The following DNAAF9 variants were observed in gnomAD, a reference collection of about 807,000 sequenced individuals.
DNAAF9 encodes dynein axonemal assembly factor 9, also known as shulin.
DNAAF9 carries 90 observed loss-of-function variants against 167.0 expected under a neutral mutation model. The ratio of observed to expected loss-of-function variants is 0.54; its 90% confidence interval spans 0.45 to 0.64. The LOEUF is 0.64. Ranked by LOEUF, DNAAF9 falls within the 30% of genes least tolerant of loss-of-function variation. The probability of loss-of-function intolerance (pLI) is 0.00; values close to 1 mark genes in which losing one functional copy is unlikely to be tolerated. For missense variants in DNAAF9, 1,315 were observed against 1,442.2 expected, an observed-to-expected ratio of 0.91 and a Z score of 1.43; for synonymous variants, 491 against 508.8, an observed-to-expected ratio of 0.96 and a Z score of 0.47.
At chr20:3,366,362 TGAAAG>T in intron 6 of DNAAF9, among the ~76,000 whole-genome samples, 1 of 152,238 alleles carries the variant, frequency 6.6e-6, no homozygotes, top group Non-Finnish European at 1.5e-5. Context: ...CAGTAATACT[TGAAAG>T]GAATTTTTTT....
At chr20:3,381,045 C>T (rs576602193) in intron 3 of DNAAF9, among the ~76,000 whole-genome samples, 1 of 152,302 alleles carries the variant, frequency 6.6e-6, no homozygotes, top group East Asian at 1.9e-4. Context: ...GGTGCTTTCA[C>T]AGGACAACAC....
chr20:3,402,926 T>C (rs1230049398), intron 1 of DNAAF9, among the ~76,000 whole-genome samples: 1 of 152,224 alleles, frequency 6.6e-6, no homozygotes, highest in Non-Finnish European at 1.5e-5. Context: ...TGCTAGATTC[T>C]TCGCAAGTCT....
intron 1 of DNAAF9, among the ~76,000 whole-genome samples, chr20:3,390,720 G>T (rs1223190450): frequency 1.3e-5 from 2 of 152,100 alleles, no homozygotes; most frequent in African/African-American, 4.8e-5. Context: ...GGGGGTGAGA[G>T]GAAAGAAAGT....
At chr20:3,359,364 GAA>G in intron 7 of DNAAF9, 150 bp downstream of exon 7, 1 of 625,940 alleles carries the variant, frequency 1.6e-6, no homozygotes, top group South Asian at 2.1e-5. Flanking sequence ...TACCCCCAAG[GAA>G]TTCAAGACAA....
chr20:3,292,483 T>C (rs1485704135), intron 25 of DNAAF9, among the ~76,000 whole-genome samples: 2 of 151,668 alleles, frequency 1.3e-5, no homozygotes, highest in African/African-American at 4.8e-5. Flanking sequence ...CTTATGGTTC[T>C]GGGCTGGGCG....
At chr20:3,259,739 C>G (rs1334137983) in intron 32 of DNAAF9, among the ~76,000 whole-genome samples, 183 bp downstream of exon 32, 3 of 152,206 alleles carry the variant, frequency 2.0e-5, no homozygotes, top group Non-Finnish European at 2.9e-5. Flanking sequence ...GAGGGAAAAC[C>G]CTTTCACTGG....
intron 3 of DNAAF9, among the ~76,000 whole-genome samples, chr20:3,380,809 T>C (rs940632439): frequency 1.3e-5 from 2 of 152,168 alleles, no homozygotes; most frequent in Admixed American, 1.3e-4. Context: ...TCCTGGGCAA[T>C]AGCCCCCAGC....
chr20:3,318,234 CAAAAAAA>C, intron 17 of DNAAF9, 48 bp downstream of exon 17: 2 of 620,392 alleles, frequency 3.2e-6, no homozygotes, highest in South Asian at 1.8e-5. Flanking sequence ...TTTATTTTGC[CAAAAAAA>C]AAAAAAAAAG....
chr20:3,337,377 C>A (rs1051325745), intron 10 of DNAAF9, among the ~76,000 whole-genome samples: 24 of 151,484 alleles, frequency 1.6e-4, no homozygotes, highest in Non-Finnish European at 1.6e-4. Flanking sequence ...ACTTCTCCTG[C>A]CTCAGCCTCC....
At chr20:3,314,693 A>G (rs2069473238) in intron 20 of DNAAF9, among the ~76,000 whole-genome samples, 2 of 152,160 alleles carry the variant, frequency 1.3e-5, no homozygotes, top group Non-Finnish European at 2.9e-5. Flanking sequence ...TTAAGCTACT[A>G]AATTTGTGGT....
At chr20:3,307,344 G>C (rs1235838121) in intron 20 of DNAAF9, among the ~76,000 whole-genome samples, 2 of 152,122 alleles carry the variant, frequency 1.3e-5, no homozygotes, top group Non-Finnish European at 2.9e-5. Context: ...CCTTAGCCTG[G>C]CTCTATGAGC....
intron 33 of DNAAF9, among the ~76,000 whole-genome samples, chr20:3,257,654 C>T (rs2068304745): frequency 6.6e-6 from 1 of 152,140 alleles, no homozygotes; most frequent in Admixed American, 6.5e-5. Context: ...AGTGATTCTC[C>T]TACCTCAGCC....
At chr20:3,360,750 A>G (rs747387984) in intron 6 of DNAAF9, among the ~76,000 whole-genome samples, 2 of 152,194 alleles carry the variant, frequency 1.3e-5, no homozygotes, top group African/African-American at 2.4e-5. Context: ...CTAGACCCCA[A>G]TGGATTGCAA....
intron 14 of DNAAF9, among the ~76,000 whole-genome samples, chr20:3,323,897 T>C (rs2069664582): frequency 6.6e-6 from 1 of 152,236 alleles, no homozygotes; most frequent in African/African-American, 2.4e-5. Flanking sequence ...AAGGAGCAGA[T>C]ACAGACAGTT....
rs200251573 is a variant in DNAAF9 at position 3,390,268 on chromosome 20, CAG to C, written c.84-7764_84-7763del. Reference sequence around the variant, plus strand: ...CAAAAAGGTTTGACATAAAAGAAGACAGATTGAGAAGAAGAAAAAAGATAAAC... The same window carrying C: ...CAAAAAGGTTTGACATAAAAGAAGACATTGAGAAGAAGAAAAAAGATAAAC... On this transcript the variant is annotated intron_variant, in intron 1 of 36. Transcript: ENST00000252032. Among the ~76,000 whole-genome samples the C allele has an allele frequency of 9.1e-3, 1,373 of 151,268 alleles. 19 individuals are homozygous for C. The highest frequency in any genetic ancestry group is 0.032 in the African/African-American group (1,318 of 41,200).
chr20:3,282,335 C>A (rs1038772791), intron 27 of DNAAF9, among the ~76,000 whole-genome samples: 2 of 152,020 alleles, frequency 1.3e-5, no homozygotes, highest in Non-Finnish European at 2.9e-5. Flanking sequence ...TTTTTTTGGT[C>A]TCCTTTGACT....
At chr20:3,287,899 G>A in intron 26 of DNAAF9, 109 bp from the exon 27 acceptor site, 1 of 975,142 alleles carries the variant, frequency 1.0e-6, no homozygotes, top group East Asian at 2.4e-5. Context: ...ATTCTGCCCA[G>A]TGAATCCATT....
chr20:3,311,206 T>C (rs115078817), intron 20 of DNAAF9, among the ~76,000 whole-genome samples: 1 of 152,286 alleles, frequency 6.6e-6, no homozygotes, highest in African/African-American at 2.4e-5. Flanking sequence ...AGTGGTGAGA[T>C]CATAGCTTAC....
chr20:3,319,950 G>A (rs2069584363), intron 16 of DNAAF9, among the ~76,000 whole-genome samples: 1 of 152,138 alleles, frequency 6.6e-6, no homozygotes, highest in Admixed American at 6.5e-5. Context: ...AAGTGACAAT[G>A]GCAATCCTAT....
Sources: allele counts gnomAD v4.1 joint callset (sites outside exome capture counted in the v4.1 genomes callset), GRCh38; gene constraint gnomAD v4.1.1; transcripts MANE v1.5; gene names NCBI Gene and HGNC (gene_info 2026-07-23, HGNC 2026-07-21).